TSC1: variants seen among roughly 807,000 people sequenced by gnomAD.
TSC1 encodes hamartin.
TSC1 carries 20 observed loss-of-function variants against 124.3 expected under a neutral mutation model. The observed-to-expected ratio is 0.16, with a 90% CI of 0.11 to 0.23. The LOEUF is 0.23. Ranked by LOEUF, TSC1 falls within the 10% of genes least tolerant of loss-of-function variation. The probability of loss-of-function intolerance (pLI) is 1.00; values close to 1 mark genes in which losing one functional copy is unlikely to be tolerated. For synonymous variants in TSC1, 493 were observed against 539.1 expected, an observed-to-expected ratio of 0.91 and a Z score of 1.19; for missense variants, 1,124 against 1,448.5, an observed-to-expected ratio of 0.78 and a Z score of 3.64.
intron 12 of TSC1, among the ~76,000 whole-genome samples, chr9:132,907,992 T>C (rs1014481736): frequency 6.6e-6 from 1 of 152,046 alleles, no homozygotes; most frequent in Non-Finnish European, 1.5e-5. Context: ...GAGGCTGAGG[T>C]GGGAGGACCA....
intron 2 of TSC1, among the ~76,000 whole-genome samples, chr9:132,929,692 T>C (rs1258276564): frequency 6.6e-6 from 1 of 152,242 alleles, no homozygotes; most frequent in Non-Finnish European, 1.5e-5. Flanking sequence ...TCTGAGGCTA[T>C]ATTTGTTAAA....
chr9:132,918,895 T>C (rs1244796775), intron 8 of TSC1, among the ~76,000 whole-genome samples: 1 of 152,084 alleles, frequency 6.6e-6, no homozygotes, highest in African/African-American at 2.4e-5. Context: ...TTAAAAAGAA[T>C]AACACAAAAC....
intron 8 of TSC1, among the ~76,000 whole-genome samples, chr9:132,915,339 T>G (rs1302275960): frequency 6.6e-6 from 1 of 152,078 alleles, no homozygotes; most frequent in Non-Finnish European, 1.5e-5. Context: ...CTTTCAAACA[T>G]TAGATGACAT....
chr9:132,909,021 C>T (rs1845812542), intron 12 of TSC1, among the ~76,000 whole-genome samples: 1 of 151,790 alleles, frequency 6.6e-6, no homozygotes, highest in Non-Finnish European at 1.5e-5. Flanking sequence ...TCTCCCGCCT[C>T]AGCCTCCCAA....
At chr9:132,928,738 T>C in intron 3 of TSC1, 29 bp downstream of exon 3, 2 of 1,613,024 alleles carry the variant, frequency 1.2e-6, no homozygotes, top group Non-Finnish European at 1.7e-6. Context: ...TTCTAGAAGA[T>C]AAGCTAAAAA....
chr9:132,913,891 GTTTTT>G (rs775823272), intron 8 of TSC1, among the ~76,000 whole-genome samples: 18 of 58,374 alleles, frequency 3.1e-4, no homozygotes, highest in African/African-American at 1.1e-3. Flanking sequence ...GTTTTGTTTT[GTTTTT>G]TTTTTTTTTT....
upstream of TSC1, chr9:132,944,645 G>T: frequency 2.5e-6 from 1 of 398,812 alleles, no homozygotes. Context: ...AAAGGGCCAA[G>T]GCCGACGGCG....
At chr9:132,917,408 G>A (rs1344392465) in intron 8 of TSC1, among the ~76,000 whole-genome samples, 1 of 152,106 alleles carries the variant, frequency 6.6e-6, no homozygotes, top group Non-Finnish European at 1.5e-5. Context: ...TCGGCTCACT[G>A]CAACCTCTGC....
Position 132,921,629 on chromosome 9 carries a change from A to G in TSC1, c.663+190T>C, listed in dbSNP as rs1235112711. Among the ~76,000 whole-genome samples, 1 of 152,256 alleles carries G rather than the reference A, an allele frequency of 6.6e-6. No individual in the cohort carries two copies. The highest frequency in any genetic ancestry group is 1.9e-4 in the East Asian group (1 of 5,208). ...ACATATTATATGATCCCATTTATACAAAATGTCCAGAATAGGCAAATCTAT... is the reference window on the plus strand; with the variant it reads ...ACATATTATATGATCCCATTTATACGAAATGTCCAGAATAGGCAAATCTAT... On this transcript the variant is annotated intron_variant, in intron 7 of 22. Transcript: ENST00000298552. This position sits in a 1 kb window ranked among gnomAD's most constrained non-coding sequence, Gnocchi z 4.3.
chr9:132,904,578 T>A, intron 15 of TSC1, 124 bp from the exon 16 acceptor site: 1 of 932,712 alleles, frequency 1.1e-6, no homozygotes, highest in Non-Finnish European at 1.7e-6. Flanking sequence ...GGCATAAGAA[T>A]GTTTCAAACT....
chr9:132,900,936 T>C, intron 19 of TSC1, 99 bp from the exon 20 acceptor site: 2 of 1,568,922 alleles, frequency 1.3e-6, no homozygotes, highest in Non-Finnish European at 1.7e-6. Flanking sequence ...ACTATTTCAA[T>C]GTTAAGGCAA....
intron 8 of TSC1, among the ~76,000 whole-genome samples, chr9:132,915,641 C>CA (rs1256504149): frequency 6.6e-6 from 1 of 152,146 alleles, no homozygotes; most frequent in African/African-American, 2.4e-5. Flanking sequence ...CAGAGATTTG[C>CA]ATTTTTTTTC....
chr9:132,916,168 A>C (rs1429913127), intron 8 of TSC1, among the ~76,000 whole-genome samples: 1 of 152,190 alleles, frequency 6.6e-6, no homozygotes, highest in Non-Finnish European at 1.5e-5. Flanking sequence ...ATGTTAGTTT[A>C]CTTGGCATTT....
intron 2 of TSC1, among the ~76,000 whole-genome samples, chr9:132,929,586 T>C (rs1283191547): frequency 1.3e-5 from 2 of 152,204 alleles, no homozygotes; most frequent in Non-Finnish European, 2.9e-5. Flanking sequence ...CCAAGCTCTC[T>C]ATGGTAGTAG....
chr9:132,907,458 G>A (rs1845733675), intron 12 of TSC1, 88 bp from the exon 13 acceptor site: 8 of 1,019,724 alleles, frequency 7.8e-6, no homozygotes, highest in South Asian at 2.6e-5. Flanking sequence ...AAGGTCAGCC[G>A]AGTGCAGTGA....
In TSC1 at chr9:132,923,912, T is replaced by TA. The variant is rs201437567; in HGVS notation, c.364-421dup. 0.028 allele frequency among the ~76,000 whole-genome samples: 3,934 copies of TA among 140,650 alleles called. 119 individuals are homozygous for TA. The highest frequency in any genetic ancestry group is 0.08 in the African/African-American group (3,088 of 38,692). The allele number at this position is 140,650 out of a possible 152,430, so 92.3% of individuals were successfully genotyped here. A position where few individuals can be genotyped will look rare whatever the true frequency, so the allele number is the denominator to read the frequency against. On this transcript the variant is annotated intron_variant, in intron 5 of 22. Transcript: ENST00000298552. This position sits in a 1 kb window ranked among gnomAD's most constrained non-coding sequence, Gnocchi z 4.2. ...CCTAAGATACTTACTTTTTGTTAATTAAAAAAAAAAAAAACTGCACATTGA... is the reference window on the plus strand; with the variant it reads ...CCTAAGATACTTACTTTTTGTTAATTAAAAAAAAAAAAAAACTGCACATTGA...
In TSC1 at chr9:132,891,528, T is replaced by A. The variant is rs562186340; in HGVS notation, c.*4707A>T. 7 of 233,500 alleles carry A rather than the reference T, an allele frequency of 3.0e-5. No individual in the cohort carries two copies. The South Asian group carries it at 1.3e-3, about 42-fold the overall frequency. The allele number at this position is 233,500 out of a possible 1,614,324, so 14.5% of individuals were successfully genotyped here. A position where few individuals can be genotyped will look rare whatever the true frequency, so the allele number is the denominator to read the frequency against. On this transcript the variant is annotated 3_prime_UTR_variant, in exon 23 of 23. Transcript: ENST00000298552. ...ATCTGATGTGGATTGTTGACATGCT[T>A]TTAGGATTGAGGCGGGAAAGTTTAG...
Position 132,923,634 on chromosome 9 carries a change from G to T in TSC1, c.364-142C>A. 1 of 1,160,496 alleles carries T rather than the reference G, an allele frequency of 8.6e-7. No homozygotes were observed. Among genetic ancestry groups the T allele is most frequent in the East Asian group, 2.5e-5 (1 of 39,998 alleles). 71.9% of individuals were successfully genotyped at this position (1,160,496 alleles called of 1,614,324 possible). On this transcript the variant is annotated intron_variant, in intron 5 of 22. Coordinates refer to ENST00000298552, the MANE Select transcript of TSC1 (RefSeq NM_000368.5). The surrounding 1 kb of genome is among the most constrained non-coding windows in gnomAD (Gnocchi z 4.2). ...CACGTACTCATTTCCCTATCCCTAA[G>T]GATTACTGAAGGGATAACATTCAAA...
At chr9:132,924,444 T>A (rs1042065586) in intron 5 of TSC1, among the ~76,000 whole-genome samples, 11 of 152,230 alleles carry the variant, frequency 7.2e-5, no homozygotes, top group Non-Finnish European at 1.5e-4. Flanking sequence ...TATATGAGAC[T>A]ATATAATGAT....
Sources: allele counts gnomAD v4.1 joint callset (sites outside exome capture counted in the v4.1 genomes callset), GRCh38; gene constraint gnomAD v4.1.1; non-coding constraint Gnocchi (gnomAD v3.1); transcripts MANE v1.5; gene names NCBI Gene and HGNC (gene_info 2026-07-23, HGNC 2026-07-21).